The following PLA2G4F variants were observed in gnomAD, a reference collection of about 807,000 sequenced individuals.
The protein encoded by PLA2G4F is phospholipase A2 group IVF.
In PLA2G4F, 105 loss-of-function variants were observed where a neutral mutation model predicts 103.1. The ratio of observed to expected loss-of-function variants is 1.02; its 90% confidence interval spans 0.87 to 1.20. PLA2G4F has a LOEUF of 1.20. Among genes scored for constraint, PLA2G4F ranks in the 50% most tolerant of loss-of-function variants. The pLI is 0.00. For missense variants in PLA2G4F, 1,155 were observed against 1,075.9 expected, an observed-to-expected ratio of 1.07 and a Z score of -1.03; for synonymous variants, 468 against 441.1, an observed-to-expected ratio of 1.06 and a Z score of -0.76.
chr15:42,148,031 TA>T (rs1461525387), intron 11 of PLA2G4F, among the ~76,000 whole-genome samples: 1 of 151,970 alleles, frequency 6.6e-6, no homozygotes, highest in African/African-American at 2.4e-5. Flanking sequence ...ACAAAAAAAT[TA>T]GCCGGGCATG....
intron 5 of PLA2G4F, 103 bp from the exon 6 acceptor site, chr15:42,153,445 G>A: frequency 6.6e-7 from 1 of 1,518,186 alleles, no homozygotes; most frequent in Non-Finnish European, 9.1e-7. Flanking sequence ...GAGGAACACA[G>A]CAGGGTTTGG....
intron 9 of PLA2G4F, 46 bp from the exon 10 acceptor site, chr15:42,150,187 C>T (rs1437700633): frequency 6.2e-7 from 1 of 1,612,788 alleles, no homozygotes; most frequent in African/African-American, 1.3e-5. Context: ...GGGCAGGATT[C>T]TCCCAGGGAA....
rs765397828 is a variant in PLA2G4F at position 42,150,441 on chromosome 15, C to T, written c.817G>A (p.Glu273Lys). Residue 273 changes from glutamate (E) to lysine (K), a missense_variant, in exon 9 of 20, where the codon GAG (glutamate) becomes AAG (lysine). Coordinates refer to ENST00000397272, the MANE Select transcript of PLA2G4F (RefSeq NM_213600.4). ...ELEAQTSKLG[E>K]GGILLSSLPL... ...AGAGAGGAGAGCAGGATGCCCCCCT[C>T]GCCCAGCTTGCTGGTCTGAGCCTCC... 5 of 1,613,478 alleles carry T rather than the reference C, an allele frequency of 3.1e-6. No homozygotes were observed. Among genetic ancestry groups the T allele is most frequent in the African/African-American group, 1.3e-5 (1 of 75,014 alleles).
In PLA2G4F at chr15:42,150,618, G is replaced by T. The variant is rs754670087; in HGVS notation, c.761C>A (p.Ala254Glu). 6.2e-7 allele frequency: 1 copy of T among 1,609,258 alleles called. No homozygotes were observed. ...RLHVELMELLAAVQSGPSAEL... is the reference protein window; with the variant it reads ...RLHVELMELLEAVQSGPSAEL... ...TGGCGGCGCACTCACCTGCACAGCT[G>T]CCAGCAGCTCCATCAGCTCCACGTG... Residue 254 changes from alanine to glutamate, a missense_variant, in exon 8 of 20, where the codon GCA becomes GAA. Ala to Glu is a moderately radical substitution (Grantham distance 107). Transcript: ENST00000397272.
chr15:42,153,272 C>G, intron 6 of PLA2G4F, 28 bp downstream of exon 6: 1 of 1,611,630 alleles, frequency 6.2e-7, no homozygotes, highest in Non-Finnish European at 8.5e-7. Context: ...CAGCCCAGAA[C>G]AGCGCCAAGC....
At chr15:42,152,591 C>T (rs1222035303) in intron 7 of PLA2G4F, 97 bp downstream of exon 7, 2 of 1,306,522 alleles carry the variant, frequency 1.5e-6, no homozygotes, top group African/African-American at 1.5e-5. Context: ...GCAATGAAAA[C>T]TTTAAGAACT....
At chr15:42,155,381 T>C in intron 2 of PLA2G4F, 136 bp downstream of exon 2, 1 of 848,620 alleles carries the variant, frequency 1.2e-6, no homozygotes, top group Middle Eastern at 2.3e-4. Context: ...CACACATGTA[T>C]ACACACATGC....
At chr15:42,152,796 C>G in intron 6 of PLA2G4F, 42 bp from the exon 7 acceptor site, 7 of 1,536,090 alleles carry the variant, frequency 4.6e-6, no homozygotes, top group Non-Finnish European at 5.3e-6. Flanking sequence ...CAGCCCACGG[C>G]CCCAGCCAGG....
Position 42,141,652 on chromosome 15 carries a change from G to C in PLA2G4F, c.*332C>G. ...GTGGGTCTGAGGACTTGGGCCCTCTGAGGTCCTTCTGTGTCTGGGGTGGGC... is the reference window on the plus strand; with the variant it reads ...GTGGGTCTGAGGACTTGGGCCCTCTCAGGTCCTTCTGTGTCTGGGGTGGGC... On this transcript the variant is annotated 3_prime_UTR_variant, in exon 20 of 20. Transcript: ENST00000397272. 1 of 498,016 alleles carries C rather than the reference G, an allele frequency of 2.0e-6. No individual in the cohort carries two copies. Among genetic ancestry groups the C allele is most frequent in the Non-Finnish European group, 3.9e-6 (1 of 255,260 alleles). 30.8% of individuals were successfully genotyped at this position (498,016 alleles called of 1,614,324 possible).
intron 7 of PLA2G4F, 118 bp downstream of exon 7, chr15:42,152,570 G>T: frequency 9.4e-7 from 1 of 1,067,192 alleles, no homozygotes; most frequent in East Asian, 2.6e-5. Flanking sequence ...CCCATCGTTA[G>T]TCGGCTTTGA....
intron 6 of PLA2G4F, among the ~76,000 whole-genome samples, 153 bp from the exon 7 acceptor site, chr15:42,152,907 C>G (rs1173249166): frequency 6.6e-6 from 1 of 152,154 alleles, no homozygotes; most frequent in Admixed American, 6.5e-5. Context: ...GTCTAGGAAA[C>G]AGCCCTCCCA....
At position 42,154,114 on chromosome 15, in the gene PLA2G4F, T is replaced by G; in HGVS notation, c.428A>C (p.His143Pro). 6.2e-7 allele frequency: 1 copy of G among 1,614,168 alleles called. No individual in the cohort carries two copies. The highest frequency in any genetic ancestry group is 1.1e-5 in the South Asian group (1 of 91,082). Residue 143 changes from histidine (H) to proline (P), a missense_variant, in exon 4 of 20, where the codon CAC becomes CCC. Transcript: ENST00000397272. ...RSLKCGQPHK[H>P]TFPLNHQDSQ... ...CACCTGGTGGTTGAGTGGGAAGGTG[T>G]GTTTGTGAGGTTGGCCACACTTGAG...
rs2048854665 is a variant in PLA2G4F, at chr15:42,144,151, G to A, written c.1976-7C>T. On this transcript the variant is annotated splice_polypyrimidine_tract_variant and splice_region_variant and intron_variant, in intron 17 of 19. Coordinates refer to ENST00000397272, the MANE Select transcript of PLA2G4F (RefSeq NM_213600.4). The stretch of plus-strand genomic sequence containing the variant: ...AAGGCGTCCGGGTGTGTGTCTGCAA[G>A]GAACCCATGTGTACGCACAGGGACG... 1 of 1,603,120 alleles carries A rather than the reference G, an allele frequency of 6.2e-7. No individual in the cohort carries two copies. Among genetic ancestry groups the A allele is most frequent in the African/African-American group, 1.3e-5 (1 of 74,476 alleles).
At chr15:42,149,030 C>T in intron 11 of PLA2G4F, 2 of 985,374 alleles carry the variant, frequency 2.0e-6, no homozygotes, top group Non-Finnish European at 1.2e-6. Flanking sequence ...TATTCCTGAT[C>T]CCCTGTAAGT....
At position 42,144,482 on chromosome 15, in the gene PLA2G4F, T is replaced by C; in HGVS notation, c.1943A>G (p.Tyr648Cys). 6.2e-7 allele frequency: 1 copy of C among 1,612,116 alleles called. No homozygotes were observed. The highest frequency in any genetic ancestry group is 2.2e-5 in the East Asian group (1 of 44,868). Residue 648 changes from tyrosine to cysteine, a missense_variant, in exon 17 of 20, where the codon TAT becomes TGT. Tyr to Cys is a radical substitution (Grantham distance 194). Transcript: ENST00000397272. ...FTRGLCLHKD[Y>C]VAGREFVAWK... is the part of the protein sequence containing the mutation. ...GGCCACGAACTCCCTGCCAGCCACATAGTCCTTGTGCAAGCAGAGACCCCG... is the reference window on the plus strand; with the variant it reads ...GGCCACGAACTCCCTGCCAGCCACACAGTCCTTGTGCAAGCAGAGACCCCG...
At chr15:42,151,010 A>T (rs1167273615) in intron 7 of PLA2G4F, 1 of 985,298 alleles carries the variant, frequency 1.0e-6, no homozygotes, top group Non-Finnish European at 1.2e-6. Context: ...TGGGAAGCAC[A>T]CAAATGCCTG....
chr15:42,150,376 C>T lies in PLA2G4F; in HGVS notation c.882G>A (p.Gly294=). The T allele has an allele frequency of 3.7e-6, 6 of 1,607,716 alleles. No individual in the cohort carries two copies. Among genetic ancestry groups the T allele is most frequent in the Non-Finnish European group, 5.1e-6 (6 of 1,177,448 alleles). Residue 294 remains glycine (G), a synonymous_variant, in exon 9 of 20, where the codon GGG becomes GGA. Transcript: ENST00000397272. ...TGGCACCCAGACAGAGCCTTACCTC[C>T]CCCAGGGCCACAGAACACTGTTCCT... ...GQEEQCSVAL[G]EGQEVALSMK...
rs763670440 is a variant in PLA2G4F at position 42,152,710 on chromosome 15, C to T, written c.579G>A (p.Gly193=). Residue 193 remains glycine (G), a synonymous_variant, in exon 7 of 20, where the codon GGG becomes GGA. Coordinates refer to ENST00000397272, the MANE Select transcript of PLA2G4F (RefSeq NM_213600.4). ...LRIQGTLRGD[G]TAPREEYGSR... ...CACCGTACTCTTCCCGTGGGGCTGT[C>T]CCATCTCCCCGGAGCGTGCCCTGGA... 7.7e-6 allele frequency: 12 copies of T among 1,557,534 alleles called. No homozygotes were observed. In the South Asian group the frequency reaches 1.4e-4, roughly 18 times the overall value.
rs763039902 is a variant in PLA2G4F at position 42,150,783 on chromosome 15, A to G, written c.602-6T>C. ...CAGCTGGAGCTGCCTAGAGCCTGAG[A>G]GCAGAGGGCCCAGGTGGGTGCGCAG... On this transcript the variant is annotated splice_polypyrimidine_tract_variant and splice_region_variant and intron_variant, in intron 7 of 19. Coordinates refer to ENST00000397272, the MANE Select transcript of PLA2G4F (RefSeq NM_213600.4). 3.7e-6 allele frequency: 6 copies of G among 1,604,798 alleles called. No homozygotes were observed. The highest frequency in any genetic ancestry group is 5.1e-6 in the Non-Finnish European group (6 of 1,176,978).
Sources: allele counts gnomAD v4.1 joint callset (sites outside exome capture counted in the v4.1 genomes callset), GRCh38; gene constraint gnomAD v4.1.1; transcripts MANE v1.5; gene names NCBI Gene and HGNC (gene_info 2026-07-23, HGNC 2026-07-21).